The following NDUFAB1 variants were observed in gnomAD, a reference collection of about 807,000 sequenced individuals.
NDUFAB1 encodes the protein acyl carrier protein, mitochondrial.
Under a neutral mutation model 16.1 loss-of-function variants are expected in NDUFAB1, and 5 were observed. The ratio of observed to expected loss-of-function variants is 0.31; its 90% CI spans 0.16 to 0.65. The LOEUF (loss-of-function observed/expected upper bound fraction) is 0.65, where lower values mean the gene tolerates loss of function less well. NDUFAB1 is among the 30% of genes least tolerant of loss of function. The pLI is 0.77. For missense variants in NDUFAB1, 187 were observed against 205.3 expected (o/e 0.91, Z 0.54); for synonymous variants, 85 against 78.4 (o/e 1.08, Z -0.44).
At chr16:23,588,403 G>A (rs1168018943) in intron 1 of NDUFAB1, among the ~76,000 whole-genome samples, 1 of 152,042 alleles carries the variant, frequency 6.6e-6, no homozygotes, top group East Asian at 1.9e-4. Context: ...GCAGTGAGCC[G>A]AGCCTGCGCC....
intron 1 of NDUFAB1, chr16:23,595,403 C>A: frequency 2.7e-6 from 1 of 370,348 alleles, no homozygotes; most frequent in Non-Finnish European, 5.3e-6. Context: ...GGACCCCCGA[C>A]TATACCCAAA....
intron 3 of NDUFAB1, 87 bp from the exon 4 acceptor site, chr16:23,582,462 A>G: frequency 7.3e-7 from 1 of 1,374,620 alleles, no homozygotes; most frequent in African/African-American, 1.5e-5. Context: ...TACAACAGCT[A>G]CAAGTATATC....
intron 1 of NDUFAB1, among the ~76,000 whole-genome samples, chr16:23,593,317 A>G (rs1966295429): frequency 6.6e-6 from 1 of 152,236 alleles, no homozygotes; most frequent in Admixed American, 6.5e-5. Context: ...AAACCAACCA[A>G]GGGAGAACAG....
rs974274463 is a variant in NDUFAB1, at chr16:23,588,180, C to T, written c.169-861G>A. ...TACTGAAATCCCTAATCTGGCTAGTCGTGGTGGCTCACGCCTATAATCACA... is the reference window on the plus strand; with the variant it reads ...TACTGAAATCCCTAATCTGGCTAGTTGTGGTGGCTCACGCCTATAATCACA... On this transcript the variant is annotated intron_variant, in intron 1 of 4. Coordinates refer to ENST00000007516, the MANE Select transcript of NDUFAB1 (RefSeq NM_005003.3). Among the ~76,000 whole-genome samples, 9 of 152,344 alleles carry T rather than the reference C, an allele frequency of 5.9e-5. No homozygotes were observed. The East Asian group carries it at 7.7e-4, about 13-fold the overall frequency.
At chr16:23,594,615 G>A (rs1039885256) in intron 1 of NDUFAB1, among the ~76,000 whole-genome samples, 1 of 151,562 alleles carries the variant, frequency 6.6e-6, no homozygotes, top group African/African-American at 2.4e-5. Context: ...GCATCCCAAA[G>A]TGCTGGGATT....
chr16:23,585,029 T>C (rs1052492390), intron 3 of NDUFAB1, among the ~76,000 whole-genome samples: 1 of 152,158 alleles, frequency 6.6e-6, no homozygotes, highest in Non-Finnish European at 1.5e-5. Context: ...CGGGGAGGCT[T>C]TTGCCCTTTG....
intron 4 of NDUFAB1, among the ~76,000 whole-genome samples, chr16:23,581,584 TAA>T (rs969118692): frequency 4.0e-5 from 6 of 151,342 alleles, no homozygotes; most frequent in Non-Finnish European, 7.4e-5. Flanking sequence ...CACTAAAAGC[TAA>T]AGACTAAAAA....
At chr16:23,586,976 T>C (rs564451056) in intron 2 of NDUFAB1, among the ~76,000 whole-genome samples, 61 of 152,294 alleles carry the variant, frequency 4.0e-4, no homozygotes, top group Admixed American at 2.1e-3. Context: ...GGGTGAGAGA[T>C]ACATACATAT....
At chr16:23,591,955 C>A (rs1376775941) in intron 1 of NDUFAB1, among the ~76,000 whole-genome samples, 1 of 152,228 alleles carries the variant, frequency 6.6e-6, no homozygotes, top group Non-Finnish European at 1.5e-5. Context: ...GAATAAGACA[C>A]AACCTTCCCC....
intron 3 of NDUFAB1, among the ~76,000 whole-genome samples, chr16:23,583,494 T>TCTGCCCCA (rs1358399272): frequency 3.0e-4 from 44 of 148,888 alleles, no homozygotes; most frequent in African/African-American, 1.0e-3. Flanking sequence ...GGGGAGCGCC[T>TCTGCCCCA]CTGCCCCACT....
At chr16:23,586,065 T>A (rs1336571614) in intron 2 of NDUFAB1, among the ~76,000 whole-genome samples, 1 of 151,692 alleles carries the variant, frequency 6.6e-6, no homozygotes, top group African/African-American at 2.4e-5. Context: ...GTAGCTGGGA[T>A]TATAGGCGTG....
At chr16:23,595,479 T>A (rs1966316284) in intron 1 of NDUFAB1, 1 of 431,032 alleles carries the variant, frequency 2.3e-6, no homozygotes, top group African/African-American at 2.0e-5. Context: ...CCTGCCCTCC[T>A]TATACGCGGG....
chr16:23,591,470 C>A (rs1477523519), intron 1 of NDUFAB1, among the ~76,000 whole-genome samples: 1 of 152,126 alleles, frequency 6.6e-6, no homozygotes, highest in Non-Finnish European at 1.5e-5. Context: ...GCCGACTGGT[C>A]CACTCTACAC....
intron 4 of NDUFAB1, chr16:23,582,017 A>G (rs966894081): frequency 7.3e-6 from 2 of 275,774 alleles, no homozygotes; most frequent in African/African-American, 2.2e-5. Context: ...CCTGTTCAGT[A>G]CTTTGTACAA....
chr16:23,592,275 T>G (rs1044708179), intron 1 of NDUFAB1, among the ~76,000 whole-genome samples: 5 of 151,700 alleles, frequency 3.3e-5, no homozygotes, highest in African/African-American at 1.2e-4. Flanking sequence ...GCCCAGGAGT[T>G]TGAAGCTGCA....
chr16:23,584,404 T>G (rs986864299), intron 3 of NDUFAB1, among the ~76,000 whole-genome samples: 1 of 151,792 alleles, frequency 6.6e-6, no homozygotes, highest in Non-Finnish European at 1.5e-5. Context: ...TCATCTTCTG[T>G]GTCTGGCTTC....
At chr16:23,582,144 A>C (rs899841933) in intron 4 of NDUFAB1, 132 bp downstream of exon 4, 27 of 1,163,794 alleles carry the variant, frequency 2.3e-5, no homozygotes, top group Admixed American at 2.2e-4. Context: ...AGACAACAGG[A>C]AAGGGCTTGC....
At chr16:23,594,768 G>A (rs1380325556) in intron 1 of NDUFAB1, among the ~76,000 whole-genome samples, 1 of 151,714 alleles carries the variant, frequency 6.6e-6, no homozygotes, top group South Asian at 2.1e-4. Context: ...GATTACAGGC[G>A]TGAGCCACCA....
intron 3 of NDUFAB1, among the ~76,000 whole-genome samples, chr16:23,584,459 C>T (rs1966216543): frequency 2.0e-5 from 3 of 151,472 alleles, no homozygotes; most frequent in African/African-American, 7.3e-5. Context: ...TAACACACGT[C>T]ACCCATGCAT....
Sources: allele counts gnomAD v4.1 joint callset (sites outside exome capture counted in the v4.1 genomes callset), GRCh38; gene constraint gnomAD v4.1.1; transcripts MANE v1.5; gene names NCBI Gene and HGNC (gene_info 2026-07-23, HGNC 2026-07-21).